WWOX: variants seen among roughly 807,000 people sequenced by gnomAD.
WWOX encodes WW domain-containing oxidoreductase.
A neutral mutation model predicts 46.2 loss-of-function variants in WWOX; 69 were observed. The observed-to-expected ratio is 1.49, with a 90% CI of 1.23 to 1.82. WWOX has a LOEUF of 1.82. Among genes scored for constraint, WWOX ranks in the 40% most tolerant of loss-of-function variants. WWOX has a pLI of 0.00. For synonymous variants in WWOX, 359 were observed against 202.6 expected, an observed-to-expected ratio of 1.77 and a Z score of -6.56; for missense variants, 919 against 542.6, an observed-to-expected ratio of 1.69 and a Z score of -6.89.
chr16:78,207,275 T>C (rs1411422447), intron 5 of WWOX, among the ~76,000 whole-genome samples: 1 of 152,344 alleles, frequency 6.6e-6, no homozygotes, highest in Non-Finnish European at 1.5e-5. Flanking sequence ...TCCTCATTTT[T>C]AAATAGTGGG....
At chr16:79,078,873 G>C (rs2048708618) in intron 8 of WWOX, among the ~76,000 whole-genome samples, 2 of 152,244 alleles carry the variant, frequency 1.3e-5, no homozygotes, top group Admixed American at 6.5e-5. Flanking sequence ...CCAATTGCCA[G>C]GCACATAATA....
At chr16:79,124,348 T>TA (rs2049704815) in intron 8 of WWOX, among the ~76,000 whole-genome samples, 1 of 125,746 alleles carries the variant, frequency 8.0e-6, no homozygotes. Context: ...ATGGACTTTT[T>TA]GAAAAAAAAA....
At chr16:79,109,886 G>A (rs187445729) in intron 8 of WWOX, among the ~76,000 whole-genome samples, 3 of 152,310 alleles carry the variant, frequency 2.0e-5, no homozygotes, top group East Asian at 1.9e-4. Context: ...TTGGCATTCT[G>A]CATGTTGGGG....
At position 78,813,885 on chromosome 16, in the gene WWOX, C is replaced by G. The variant is rs185608176; in HGVS notation, c.1056+381133C>G. 2.6e-3 allele frequency among the ~76,000 whole-genome samples: 390 copies of G among 152,206 alleles called. 4 individuals carry two copies. The highest frequency in any genetic ancestry group is 9.1e-3 in the African/African-American group (377 of 41,510). ...ATTTAGCAAGCATGTAGCTGCTTGC[C>G]TGAGCAAGCCATTAATCTATATTAG... On this transcript the variant is annotated intron_variant, in intron 8 of 8. Coordinates refer to ENST00000566780, the MANE Select transcript of WWOX (RefSeq NM_016373.4).
intron 5 of WWOX, among the ~76,000 whole-genome samples, chr16:78,289,771 G>A (rs1249919152): frequency 1.2e-4 from 18 of 152,138 alleles, no homozygotes; most frequent in Admixed American, 1.2e-3. Context: ...AGGATGGTCT[G>A]GTCCTTTAGA....
intron 8 of WWOX, chr16:78,496,063 A>G (rs2084911676): frequency 6.6e-6 from 1 of 151,964 alleles, no homozygotes; most frequent in Non-Finnish European, 1.5e-5. Flanking sequence ...GGATGATTAG[A>G]CTTGTACTTC....
rs1018968080 is a variant in WWOX at position 78,344,122 on chromosome 16, G to C, written c.517-42738G>C. Among the ~76,000 whole-genome samples the C allele has an allele frequency of 7.1e-5, 8 of 113,028 alleles. 3 individuals are homozygous for C. The highest frequency in any genetic ancestry group is 1.7e-4 in the Non-Finnish European group (8 of 48,064). The allele number at this position is 113,028 out of a possible 152,430, so 74.2% of individuals were successfully genotyped here. On this transcript the variant is annotated intron_variant, in intron 5 of 8. Coordinates refer to ENST00000566780, the MANE Select transcript of WWOX (RefSeq NM_016373.4). ...GTATATCATCCTAAGGGCAGAGGGT[G>C]AAGGTGCGTAATTAGTGTTTCACCA...
intron 5 of WWOX, among the ~76,000 whole-genome samples, chr16:78,302,049 C>T (rs1425497445): frequency 6.6e-6 from 1 of 151,942 alleles, no homozygotes. Flanking sequence ...TAACCTCCAC[C>T]TCCCGGGTTC....
chr16:79,072,453 G>C (rs976183487), intron 8 of WWOX, among the ~76,000 whole-genome samples: 2 of 152,160 alleles, frequency 1.3e-5, no homozygotes, highest in South Asian at 4.1e-4. Flanking sequence ...TTGCAACATA[G>C]ACTTGAAGAT....
rs982758181 is a variant in WWOX, at chr16:78,724,257, G to A, written c.1056+291505G>A. 3.9e-5 allele frequency among the ~76,000 whole-genome samples: 6 copies of A among 152,250 alleles called. No individual in the cohort carries two copies. In the East Asian group the frequency reaches 7.7e-4, roughly 20 times the overall value. On this transcript the variant is annotated intron_variant, in intron 8 of 8. Transcript: ENST00000566780. Reference sequence around the variant, plus strand: ...AGTCTTCTAGGGCCTCTGGTTACCAGCAATGAAAAAAGCCCCATTTGGTAA... The same window carrying A: ...AGTCTTCTAGGGCCTCTGGTTACCAACAATGAAAAAAGCCCCATTTGGTAA...
rs183412781 is a variant in WWOX at position 78,708,270 on chromosome 16, C to T, written c.1056+275518C>T. ...ATAACATATTTTTTAAAAATGTATC[C>T]CATGCAGTATTTGGAGCATATACTC... On this transcript the variant is annotated intron_variant, in intron 8 of 8. Transcript: ENST00000566780. Among the ~76,000 whole-genome samples, 22 of 152,120 alleles carry T rather than the reference C, an allele frequency of 1.4e-4. No individual in the cohort carries two copies. The East Asian group carries it at 4.1e-3, about 28-fold the overall frequency.
At chr16:78,826,488 G>A (rs1290537106) in intron 8 of WWOX, among the ~76,000 whole-genome samples, 1 of 152,220 alleles carries the variant, frequency 6.6e-6, no homozygotes, top group Non-Finnish European at 1.5e-5. Context: ...GCTCGTGATT[G>A]TGGGCTGTGA....
chr16:79,022,915 A>G (rs373507639), intron 8 of WWOX, among the ~76,000 whole-genome samples: 1 of 152,152 alleles, frequency 6.6e-6, no homozygotes, highest in Non-Finnish European at 1.5e-5. Flanking sequence ...GCATCAGTTT[A>G]CTCAGCTGAA....
rs5818169 is a variant in WWOX, at chr16:78,755,234, CAA to C, written c.1056+322494_1056+322495del. Among the ~76,000 whole-genome samples, 146 of 139,656 alleles carry C rather than the reference CAA, an allele frequency of 1.0e-3. 1 individual carries two copies. The highest frequency in any genetic ancestry group is 1.0e-3 in the Admixed American group (14 of 13,850). 91.6% of individuals were successfully genotyped at this position (139,656 alleles called of 152,430 possible). ...GTGAAAGGAAAAAAAAAAGTTTCAT[CAA>C]AAAAAAAAAAAGAAAAAGAAAACAC... On this transcript the variant is annotated intron_variant, in intron 8 of 8. Coordinates refer to ENST00000566780, the MANE Select transcript of WWOX (RefSeq NM_016373.4).
At chr16:78,630,658 C>A (rs77011794) in intron 8 of WWOX, among the ~76,000 whole-genome samples, 1 of 152,168 alleles carries the variant, frequency 6.6e-6, no homozygotes, top group Non-Finnish European at 1.5e-5. Flanking sequence ...CACCATTTCC[C>A]TGTGCTCATT....
At chr16:78,145,300 A>C (rs1158529748) in intron 4 of WWOX, among the ~76,000 whole-genome samples, 7 of 152,160 alleles carry the variant, frequency 4.6e-5, no homozygotes, top group Admixed American at 4.6e-4. Context: ...AGGGACAAGG[A>C]AGCCAGTTTG....
At chr16:78,763,354 C>T (rs571424425) in intron 8 of WWOX, among the ~76,000 whole-genome samples, 4 of 152,326 alleles carry the variant, frequency 2.6e-5, no homozygotes, top group African/African-American at 9.6e-5. Flanking sequence ...ATGTTTATTA[C>T]AGCATTTACT....
chr16:78,416,059 A>C (rs1028561733), intron 6 of WWOX, among the ~76,000 whole-genome samples: 8 of 152,186 alleles, frequency 5.3e-5, no homozygotes, highest in Non-Finnish European at 1.0e-4. Context: ...AAGGAGGACA[A>C]CCTTTTCTGC....
At chr16:78,638,823 C>T (rs1042178988) in intron 8 of WWOX, among the ~76,000 whole-genome samples, 4 of 152,114 alleles carry the variant, frequency 2.6e-5, no homozygotes, top group Non-Finnish European at 5.9e-5. Flanking sequence ...GGAGATTTCA[C>T]AGTTGTAGCT....
Sources: gnomAD v4.1 joint callset for allele counts (sites outside exome capture counted in the v4.1 genomes callset) on GRCh38, gnomAD v4.1.1 for gene constraint, MANE v1.5 for transcripts, NCBI Gene and HGNC (gene_info 2026-07-23, HGNC 2026-07-21) for gene names.